The following RUNX1T1 variants were observed in gnomAD, a reference collection of about 807,000 sequenced individuals.
The protein encoded by RUNX1T1 is protein CBFA2T1.
Under a neutral mutation model 62.8 loss-of-function variants are expected in RUNX1T1, and 4 were observed. The observed-to-expected ratio is 0.06, with a 90% confidence interval of 0.03 to 0.15. The LOEUF is 0.15. RUNX1T1 is among the 10% of genes least tolerant of loss of function. The pLI is 1.00. For missense variants in RUNX1T1, 508 were observed against 754.3 expected, an observed-to-expected ratio of 0.67 and a Z score of 3.82; for synonymous variants, 291 against 286.0, an observed-to-expected ratio of 1.02 and a Z score of -0.18.
chr8:91,961,977 G>T (rs1344418077), intron 10 of RUNX1T1, among the ~76,000 whole-genome samples: 1 of 152,214 alleles, frequency 6.6e-6, no homozygotes, highest in African/African-American at 2.4e-5. Context: ...CAGCATGCTG[G>T]TTGTGTGGCT....
intron 1 of RUNX1T1, among the ~76,000 whole-genome samples, chr8:92,096,098 ACACT>A (rs1837725381): frequency 1.3e-5 from 2 of 152,120 alleles, no homozygotes; most frequent in African/African-American, 2.4e-5. Flanking sequence ...GCACATTCAC[ACACT>A]CAGAGATATA....
At chr8:92,103,096 C>T (rs1586051181), upstream of RUNX1T1, 3 of 425,954 alleles carry the variant, frequency 7.0e-6, no homozygotes, top group Non-Finnish European at 1.2e-5. Flanking sequence ...GCAAAAAGCC[C>T]GGGGTCGGGG....
intron 2 of RUNX1T1, among the ~76,000 whole-genome samples, chr8:92,072,137 T>C (rs1388388730): frequency 1.3e-5 from 2 of 152,252 alleles, no homozygotes; most frequent in Admixed American, 6.5e-5. Context: ...CAAATAATTA[T>C]AATTTTTAAC....
intron 1 of RUNX1T1, chr8:92,017,749 A>T (rs559253865): frequency 1.5e-6 from 1 of 655,902 alleles, no homozygotes; most frequent in East Asian, 6.4e-5. Context: ...AATAACAAAA[A>T]CCTGAAGTCT....
chr8:91,997,838 G>A (rs1169185188), intron 5 of RUNX1T1, among the ~76,000 whole-genome samples: 2 of 152,176 alleles, frequency 1.3e-5, no homozygotes, highest in African/African-American at 2.4e-5. Context: ...CTTGAAAAAT[G>A]AGTAAGAGTG....
intron 5 of RUNX1T1, among the ~76,000 whole-genome samples, chr8:92,002,405 A>C (rs1586927454): frequency 6.6e-6 from 1 of 152,068 alleles, no homozygotes; most frequent in East Asian, 1.9e-4. Flanking sequence ...AATAACAATA[A>C]TGTTTAAAGA....
chr8:92,090,773 G>A (rs1464895142), intron 1 of RUNX1T1, among the ~76,000 whole-genome samples: 1 of 152,160 alleles, frequency 6.6e-6, no homozygotes, highest in Non-Finnish European at 1.5e-5. Flanking sequence ...TGGGGAATAC[G>A]AAGAAACCTC....
intron 1 of RUNX1T1, among the ~76,000 whole-genome samples, chr8:92,020,343 C>T (rs1823842407): frequency 6.6e-6 from 1 of 152,136 alleles, no homozygotes; most frequent in Non-Finnish European, 1.5e-5. Flanking sequence ...CACAAGCAAG[C>T]TGATTTAACC....
chr8:91,968,595 T>C (rs372778642), intron 10 of RUNX1T1, among the ~76,000 whole-genome samples: 1 of 152,126 alleles, frequency 6.6e-6, no homozygotes, highest in African/African-American at 2.4e-5. Flanking sequence ...TAGAGATGAT[T>C]CCTCCCCAAG....
exon 8 of RUNX1T1, chr8:91,986,218 C>A: frequency 1.9e-6 from 3 of 1,613,750 alleles, no homozygotes; most frequent in Non-Finnish European, 2.5e-6. Context: ...CGTCACTGTA[C>A]CGCCGGATCC....
At chr8:92,001,476 C>A (rs1365912318) in intron 5 of RUNX1T1, among the ~76,000 whole-genome samples, 1 of 152,092 alleles carries the variant, frequency 6.6e-6, no homozygotes, top group Non-Finnish European at 1.5e-5. Context: ...AATGTTTAAC[C>A]CTTGGGGGAG....
intron 3 of RUNX1T1, among the ~76,000 whole-genome samples, chr8:92,011,883 A>G (rs1822005505): frequency 6.6e-6 from 1 of 152,204 alleles, no homozygotes; most frequent in African/African-American, 2.4e-5. Flanking sequence ...TACTTAATGA[A>G]CAACAAAGCA....
At chr8:92,007,467 T>TAA (rs111573829) in intron 4 of RUNX1T1, among the ~76,000 whole-genome samples, 3 of 138,592 alleles carry the variant, frequency 2.2e-5, no homozygotes. Context: ...TCAGTCTAAT[T>TAA]AAAAAAAAAA....
At chr8:92,053,087 G>A (rs1830474836) in intron 1 of RUNX1T1, among the ~76,000 whole-genome samples, 1 of 151,998 alleles carries the variant, frequency 6.6e-6, no homozygotes, top group African/African-American at 2.4e-5. Flanking sequence ...TTGAAAAAAT[G>A]ATAAAAGGGC....
chr8:92,075,834 T>C, intron 2 of RUNX1T1, 131 bp downstream of exon 2: 1 of 783,582 alleles, frequency 1.3e-6, no homozygotes, highest in Non-Finnish European at 2.0e-6. Flanking sequence ...GTTTAAAACA[T>C]ACAATAGAAC....
chr8:92,020,571 C>T (rs1000501564), intron 1 of RUNX1T1, among the ~76,000 whole-genome samples: 2 of 152,056 alleles, frequency 1.3e-5, no homozygotes, highest in African/African-American at 4.8e-5. Context: ...AAACCTCCAT[C>T]AGATCATGTA....
chr8:92,004,841 T>G (rs546341124), intron 5 of RUNX1T1: 51 of 314,758 alleles, frequency 1.6e-4, no homozygotes, highest in African/African-American at 1.0e-3. Flanking sequence ...CAGTGGTACT[T>G]GGCAAATCAG....
chr8:92,100,638 G>C (rs989919454), upstream of RUNX1T1, among the ~76,000 whole-genome samples: 4 of 152,162 alleles, frequency 2.6e-5, no homozygotes, highest in Middle Eastern at 3.4e-3. Context: ...ATCAAACCAA[G>C]ATTCCCTGAT....
chr8:91,983,271 G>A lies in RUNX1T1; in HGVS notation c.1198+2853C>T, dbSNP rs968842298. Among the ~76,000 whole-genome samples the A allele has an allele frequency of 4.6e-5, 7 of 151,996 alleles. No homozygotes were observed. The East Asian group carries it at 7.7e-4, about 17-fold the overall frequency. On this transcript the variant is annotated intron_variant, in intron 8 of 10. Coordinates refer to ENST00000396218, the Ensembl canonical transcript of RUNX1T1. ...AAATTCAATTAGTAATAGATTAATC[G>A]AGTTATTTTACTAACCCCCTATACT...
Sources: allele counts gnomAD v4.1 joint callset (sites outside exome capture counted in the v4.1 genomes callset), GRCh38; gene constraint gnomAD v4.1.1; transcripts MANE v1.5; gene names NCBI Gene and HGNC (gene_info 2026-07-23, HGNC 2026-07-21).